The following SEMA4G variants were observed in gnomAD, a reference collection of about 807,000 sequenced individuals.
SEMA4G encodes the protein semaphorin 4G, also known as semaphorin-4G.
Under a neutral mutation model 81.2 loss-of-function variants are expected in SEMA4G, and 59 were observed. That is an observed-to-expected ratio of 0.73 (90% CI 0.59 to 0.90). The LOEUF (loss-of-function observed/expected upper bound fraction) is 0.90, where lower values mean the gene tolerates loss of function less well. SEMA4G is among the 40% of genes least tolerant of loss of function. The probability of loss-of-function intolerance (pLI) is 0.00; values close to 1 mark genes in which losing one functional copy is unlikely to be tolerated. For synonymous variants in SEMA4G, 404 were observed against 433.9 expected (o/e 0.93, Z 0.86); for missense variants, 952 against 1,102.3 (o/e 0.86, Z 1.93).
chr10:100,981,650 C>T (rs2133891334), intron 13 of SEMA4G: 2 of 1,367,834 alleles, frequency 1.5e-6, no homozygotes, highest in East Asian at 4.8e-5. Flanking sequence ...TCTACTGTCA[C>T]AGCATTCTTA....
rs368524012 is a variant in SEMA4G at position 100,980,817 on chromosome 10, C to T, written c.1468-5C>T. ...TGCCGACCAACTGTCCTATCTGGCTCCCAGCACAGCCTCTATGTGGGGGCT... is the reference window on the plus strand; with the variant it reads ...TGCCGACCAACTGTCCTATCTGGCTTCCAGCACAGCCTCTATGTGGGGGCT... On this transcript the variant is annotated splice_region_variant and splice_polypyrimidine_tract_variant and intron_variant, in intron 11 of 13. Transcript: ENST00000370250. The T allele has an allele frequency of 5.5e-5, 86 of 1,564,634 alleles. No homozygotes were observed. Among genetic ancestry groups the T allele is most frequent in the Non-Finnish European group, 7.2e-5 (83 of 1,159,840 alleles).
intron 3 of SEMA4G, among the ~76,000 whole-genome samples, chr10:100,975,639 T>G (rs1850751087): frequency 6.6e-6 from 1 of 152,124 alleles, no homozygotes; most frequent in Non-Finnish European, 1.5e-5. Flanking sequence ...GGGTGGATCA[T>G]GAGGTCAAGA....
Position 100,983,552 on chromosome 10 carries a change from T to C in SEMA4G, c.1938T>C (p.Tyr646=), listed in dbSNP as rs1444392472. The change falls in exon 14 of 14, where the codon TAT becomes TAC. Residue 646 remains tyrosine (Y), a synonymous_variant. Coordinates refer to ENST00000370250, the Ensembl canonical transcript of SEMA4G. Reference sequence around the variant, plus strand: ...GCCTCCGCACCCTGCTGGCCTCCTATAGTCTCACAGTCCGGCCAGCCACTC... The same window carrying C: ...GCCTCCGCACCCTGCTGGCCTCCTACAGTCTCACAGTCCGGCCAGCCACTC... 5 of 1,613,910 alleles carry C rather than the reference T, an allele frequency of 3.1e-6. No individual in the cohort carries two copies. In the African/African-American group the frequency reaches 4.0e-5, roughly 13 times the overall value.
rs1340325852 is a variant in SEMA4G, at chr10:100,973,323, C to T, written c.273+46C>T. 2 of 1,604,682 alleles carry T rather than the reference C, an allele frequency of 1.2e-6. No homozygotes were observed. The highest frequency in any genetic ancestry group is 2.2e-5 in the South Asian group (2 of 90,618). ...CCACCCAGAGGGTCTCTATGCTTAT[C>T]CAGCTCCCTGGGACCTCAACTTCCT... On this transcript the variant is annotated intron_variant, in intron 2 of 13. Transcript: ENST00000370250. This position sits in a 1 kb window ranked among gnomAD's most constrained non-coding sequence, Gnocchi z 5.5.
chr10:100,972,121 C>T (rs1850652628), upstream of SEMA4G, among the ~76,000 whole-genome samples: 1 of 152,136 alleles, frequency 6.6e-6, no homozygotes, highest in African/African-American at 2.4e-5. Flanking sequence ...AACAAAGGTC[C>T]ATTAAACCTC....
Position 100,979,705 on chromosome 10 carries a change from G to C in SEMA4G, c.984-143G>C, listed in dbSNP as rs1589989320. 4.3e-6 allele frequency: 4 copies of C among 935,838 alleles called. No individual in the cohort carries two copies. In the Admixed American group the frequency reaches 6.5e-5, roughly 15 times the overall value. The allele number at this position is 935,838 out of a possible 1,614,324, so 58.0% of individuals were successfully genotyped here. A position where few individuals can be genotyped will look rare whatever the true frequency, so the allele number is the denominator to read the frequency against. On this transcript the variant is annotated intron_variant, in intron 8 of 13. Transcript: ENST00000370250. ...AGGCTAGAGCCAGAGAATGAATGCAGTGGTCCACTGACTCACAGGAGAGGC... is the reference window on the plus strand; with the variant it reads ...AGGCTAGAGCCAGAGAATGAATGCACTGGTCCACTGACTCACAGGAGAGGC...
chr10:100,984,403 T>A, exon 14 of SEMA4G: 1 of 1,459,482 alleles, frequency 6.9e-7, no homozygotes, highest in Non-Finnish European at 9.0e-7. Context: ...CCAGAGCCAG[T>A]TCCTATCCCC....
intron 3 of SEMA4G, 32 bp from the exon 5 acceptor site, chr10:100,977,600 G>C: frequency 6.4e-7 from 1 of 1,572,234 alleles, no homozygotes; most frequent in Non-Finnish European, 8.8e-7. Context: ...GTCAGGCAGG[G>C]GGCTCACAGC....
At chr10:100,983,608 C>G (rs997799025) in exon 14 of SEMA4G, 4 of 1,613,978 alleles carry the variant, frequency 2.5e-6, no homozygotes, top group Non-Finnish European at 3.4e-6. Context: ...CCTGCCACAC[C>G]TGGGGCACAG....
chr10:100,977,493 A>G, intron 3 of SEMA4G, 139 bp from the exon 5 acceptor site: 1 of 707,940 alleles, frequency 1.4e-6, no homozygotes, highest in Admixed American at 2.0e-5. Flanking sequence ...ATTCTGGAGC[A>G]GTGAGAAGGA....
chr10:100,984,855 C>G, downstream of SEMA4G: 1 of 1,497,264 alleles, frequency 6.7e-7, no homozygotes, highest in East Asian at 2.5e-5. Flanking sequence ...CCTTGTGAAT[C>G]AGCCTCCCCA....
At position 100,978,496 on chromosome 10, in the gene SEMA4G, G is replaced by A. The variant is rs1589986314; in HGVS notation, c.530-31G>A. 3.1e-6 allele frequency: 5 copies of A among 1,605,226 alleles called. No individual in the cohort carries two copies. The South Asian group carries it at 5.5e-5, about 18-fold the overall frequency. ...TCATGTGCCCTGTTGAATATGACATGTCTCTCATGCCTGGAATATCCCCAC... is the reference window on the plus strand; with the variant it reads ...TCATGTGCCCTGTTGAATATGACATATCTCTCATGCCTGGAATATCCCCAC... On this transcript the variant is annotated intron_variant, in intron 5 of 13. Coordinates refer to ENST00000370250, the Ensembl canonical transcript of SEMA4G.
chr10:100,982,407 G>C (rs1324560215), intron 13 of SEMA4G, among the ~76,000 whole-genome samples: 3 of 152,232 alleles, frequency 2.0e-5, no homozygotes, highest in African/African-American at 7.2e-5. Context: ...TGGATTACAT[G>C]GGGCCAGAGT....
chr10:100,979,315 TA>T, intron 8 of SEMA4G, 44 bp downstream of exon 9: 1 of 1,613,690 alleles, frequency 6.2e-7, no homozygotes, highest in Non-Finnish European at 8.5e-7. Flanking sequence ...GCGGACAGCA[TA>T]GGGGCTGGAG....
intron 3 of SEMA4G, chr10:100,975,017 A>G: frequency 1.9e-6 from 1 of 534,364 alleles, no homozygotes; most frequent in Non-Finnish European, 3.8e-6. Flanking sequence ...GTGTTGGGAC[A>G]GCTCCGTTTA....
chr10:100,979,527 C>T (rs1044041451), intron 8 of SEMA4G, among the ~76,000 whole-genome samples: 9 of 151,916 alleles, frequency 5.9e-5, no homozygotes, highest in Non-Finnish European at 1.0e-4. Context: ...GGACTATAGG[C>T]GTGTGCCACC....
At chr10:100,977,163 G>T (rs549879970) in intron 3 of SEMA4G, among the ~76,000 whole-genome samples, 1 of 152,278 alleles carries the variant, frequency 6.6e-6, no homozygotes, top group South Asian at 2.1e-4. Flanking sequence ...GGATGAACTT[G>T]GCTTCTGACA....
At chr10:100,984,627 T>C in exon 14 of SEMA4G, 2 of 1,536,296 alleles carry the variant, frequency 1.3e-6, no homozygotes, top group Non-Finnish European at 8.7e-7. Flanking sequence ...CATGGAAGAA[T>C]GTTTATCGGC....
upstream of SEMA4G, among the ~76,000 whole-genome samples, chr10:100,970,765 G>A (rs531957709): frequency 3.3e-5 from 5 of 152,312 alleles, no homozygotes; most frequent in East Asian, 5.8e-4. Flanking sequence ...CAAGAACTGC[G>A]TGTGAGCACA....
Sources: allele counts gnomAD v4.1 joint callset (sites outside exome capture counted in the v4.1 genomes callset), GRCh38; gene constraint gnomAD v4.1.1; non-coding constraint Gnocchi (gnomAD v3.1); transcripts MANE v1.5; gene names NCBI Gene and HGNC (gene_info 2026-07-23, HGNC 2026-07-21).